NRXN1: variants seen among roughly 807,000 people sequenced by gnomAD.
NRXN1 encodes neurexin-1.
Under a neutral mutation model 150.9 loss-of-function variants are expected in NRXN1, and 39 were observed. That is an observed-to-expected ratio of 0.26 (90% confidence interval 0.20 to 0.34). NRXN1 has a LOEUF of 0.34. Among genes scored for constraint, NRXN1 ranks in the 10% least tolerant of loss-of-function variants. The probability of loss-of-function intolerance (pLI) is 1.00; values close to 1 mark genes in which losing one functional copy is unlikely to be tolerated. For missense variants in NRXN1, 1,815 were observed against 1,949.9 expected (o/e 0.93, Z 1.30); for synonymous variants, 924 against 757.0 (o/e 1.22, Z -3.62).
chr2:50,687,347 A>G (rs918808), intron 5 of NRXN1, among the ~76,000 whole-genome samples: 111,603 of 152,126 alleles, frequency 0.73, 41,497 homozygotes, highest in East Asian at 0.87. Context: ...CTACATAGAT[A>G]CTTCTAAACA....
At chr2:50,372,952 A>G (rs986321375) in intron 17 of NRXN1, among the ~76,000 whole-genome samples, 2 of 152,108 alleles carry the variant, frequency 1.3e-5, no homozygotes, top group Non-Finnish European at 2.9e-5. Context: ...TGCAAATGAC[A>G]TATTTTAGTC....
At chr2:50,101,881 C>T (rs1701029051) in intron 18 of NRXN1, among the ~76,000 whole-genome samples, 1 of 151,948 alleles carries the variant, frequency 6.6e-6, no homozygotes, top group Non-Finnish European at 1.5e-5. Flanking sequence ...TTTCACAAGC[C>T]TCAAGAAGAG....
intron 2 of NRXN1, among the ~76,000 whole-genome samples, chr2:50,929,244 A>G (rs1207795569): frequency 6.6e-6 from 1 of 152,132 alleles, no homozygotes; most frequent in East Asian, 1.9e-4. Flanking sequence ...ACAAATGAAT[A>G]CAAAAACAAA....
intron 8 of NRXN1, chr2:50,615,687 T>C (rs1342137376): frequency 2.0e-5 from 3 of 152,146 alleles, no homozygotes; most frequent in Non-Finnish European, 4.4e-5. Context: ...CCTGAAGAAT[T>C]AACTGTAAGA....
chr2:50,554,546 A>G (rs376948612), intron 8 of NRXN1: 2 of 152,192 alleles, frequency 1.3e-5, no homozygotes, highest in African/African-American at 2.4e-5. Flanking sequence ...GAAAATACAC[A>G]TAAGTGGGAA....
At chr2:50,479,166 G>T (rs1389454285) in intron 15 of NRXN1, among the ~76,000 whole-genome samples, 1 of 152,108 alleles carries the variant, frequency 6.6e-6, no homozygotes, top group Non-Finnish European at 1.5e-5. Context: ...AATAACTTTT[G>T]CCAGGTAGAA....
intron 21 of NRXN1, among the ~76,000 whole-genome samples, chr2:49,976,886 C>G (rs1285972039): frequency 2.6e-5 from 4 of 152,314 alleles, no homozygotes; most frequent in Non-Finnish European, 5.9e-5. Flanking sequence ...TTAACCTCTT[C>G]AAGCCTTAGT....
At chr2:50,336,881 A>G (rs1016506002) in intron 17 of NRXN1, among the ~76,000 whole-genome samples, 6 of 152,158 alleles carry the variant, frequency 3.9e-5, no homozygotes, top group Non-Finnish European at 8.8e-5. Flanking sequence ...TAATTGGAAG[A>G]TAAAGATAAG....
intron 21 of NRXN1, among the ~76,000 whole-genome samples, chr2:50,013,573 T>C (rs1469006561): frequency 6.6e-6 from 1 of 152,152 alleles, no homozygotes; most frequent in South Asian, 2.1e-4. Context: ...AAAAGCTTCA[T>C]TACATGTATT....
intron 18 of NRXN1, among the ~76,000 whole-genome samples, chr2:50,236,337 T>C (rs1404278532): frequency 6.6e-6 from 1 of 152,074 alleles, no homozygotes; most frequent in African/African-American, 2.4e-5. Context: ...ATACTTTCGT[T>C]CCTTTTATTT....
At chr2:49,957,866 G>GCTCCTTCTA (rs1675254395) in intron 21 of NRXN1, among the ~76,000 whole-genome samples, 1 of 152,088 alleles carries the variant, frequency 6.6e-6, no homozygotes, top group Non-Finnish European at 1.5e-5. Flanking sequence ...TTGGCGTCTT[G>GCTCCTTCTA]CTCCTTCTAC....
chr2:50,293,414 C>G (rs1478706376), intron 17 of NRXN1, among the ~76,000 whole-genome samples: 1 of 152,114 alleles, frequency 6.6e-6, no homozygotes, highest in Non-Finnish European at 1.5e-5. Context: ...ATCATGCTAC[C>G]CTGTCCATGA....
intron 17 of NRXN1, among the ~76,000 whole-genome samples, chr2:50,340,361 G>A (rs1216954433): frequency 6.6e-6 from 1 of 152,086 alleles, no homozygotes; most frequent in Non-Finnish European, 1.5e-5. Context: ...ACCCTACATA[G>A]ACCAGAAAGG....
chr2:49,971,722 A>T (rs982528225), intron 21 of NRXN1, among the ~76,000 whole-genome samples: 3 of 152,162 alleles, frequency 2.0e-5, no homozygotes, highest in African/African-American at 7.2e-5. Flanking sequence ...ATTTTTTTCC[A>T]TTAATTTCTA....
chr2:50,273,246 T>C (rs531628727), intron 17 of NRXN1, among the ~76,000 whole-genome samples: 1 of 152,280 alleles, frequency 6.6e-6, no homozygotes, highest in South Asian at 2.1e-4. Context: ...CTGCACAACA[T>C]TTTCCCCCCA....
At chr2:50,116,712 C>G (rs1448117871) in intron 18 of NRXN1, among the ~76,000 whole-genome samples, 1 of 152,072 alleles carries the variant, frequency 6.6e-6, no homozygotes, top group Non-Finnish European at 1.5e-5. Flanking sequence ...CAACACAGCT[C>G]TGTGACACTG....
At chr2:50,334,248 G>A (rs552252763) in intron 17 of NRXN1, among the ~76,000 whole-genome samples, 1 of 138,852 alleles carries the variant, frequency 7.2e-6, no homozygotes, top group South Asian at 2.2e-4. Flanking sequence ...TCACGTCTAG[G>A]CAAAATACAC....
chr2:50,311,981 T>C (rs373399269), intron 17 of NRXN1, among the ~76,000 whole-genome samples: 2 of 152,140 alleles, frequency 1.3e-5, no homozygotes, highest in African/African-American at 4.8e-5. Flanking sequence ...GGGGAATGAA[T>C]GGCAAAAATA....
intron 17 of NRXN1, among the ~76,000 whole-genome samples, chr2:50,284,355 A>G (rs2071839773): frequency 6.6e-6 from 1 of 152,130 alleles, no homozygotes; most frequent in Non-Finnish European, 1.5e-5. Flanking sequence ...TGACAGTCCA[A>G]ATGATGTTCC....
Sources: gnomAD v4.1 joint callset for allele counts (sites outside exome capture counted in the v4.1 genomes callset) on GRCh38, gnomAD v4.1.1 for gene constraint, MANE v1.5 for transcripts, NCBI Gene and HGNC (gene_info 2026-07-23, HGNC 2026-07-21) for gene names.